The following SNX25 variants were observed in gnomAD, a reference collection of about 807,000 sequenced individuals.
SNX25 encodes the protein sorting nexin-25.
In SNX25, 62 loss-of-function variants were observed where a neutral mutation model predicts 113.7. That is an observed-to-expected ratio of 0.55 (90% CI 0.44 to 0.67). The LOEUF is 0.67. SNX25 is among the 30% of genes least tolerant of loss of function. SNX25 has a pLI of 0.00. For missense variants in SNX25, 1,014 were observed against 1,161.0 expected, an observed-to-expected ratio of 0.87 and a Z score of 1.84; for synonymous variants, 421 against 436.2, an observed-to-expected ratio of 0.97 and a Z score of 0.43.
intron 8 of SNX25, among the ~76,000 whole-genome samples, chr4:185,323,161 C>G (rs2095133092): frequency 6.6e-6 from 1 of 152,104 alleles, no homozygotes; most frequent in Admixed American, 6.5e-5. Flanking sequence ...AATGGCACTT[C>G]TAGTTACTTA....
At chr4:185,318,563 C>A (rs188886598) in intron 7 of SNX25, among the ~76,000 whole-genome samples, 1 of 152,202 alleles carries the variant, frequency 6.6e-6, no homozygotes, top group Non-Finnish European at 1.5e-5. Context: ...ATGGTTGATA[C>A]TGTAAACAAA....
At chr4:185,329,891 G>A (rs750333091) in intron 9 of SNX25, among the ~76,000 whole-genome samples, 1 of 152,102 alleles carries the variant, frequency 6.6e-6, no homozygotes, top group African/African-American at 2.4e-5. Context: ...TGAAGTGAGA[G>A]ACAAGACTGG....
At chr4:185,213,998 A>G (rs1738362738) in intron 1 of SNX25, among the ~76,000 whole-genome samples, 1 of 150,804 alleles carries the variant, frequency 6.6e-6, no homozygotes, top group Non-Finnish European at 1.5e-5. Context: ...CAGTGGCCTG[A>G]CCGTGATGTA....
chr4:185,345,157 C>G (rs2095279413), intron 12 of SNX25, among the ~76,000 whole-genome samples: 1 of 152,140 alleles, frequency 6.6e-6, no homozygotes, highest in Non-Finnish European at 1.5e-5. Context: ...CCATGCCCGT[C>G]CTCTTTGTCA....
intron 9 of SNX25, among the ~76,000 whole-genome samples, chr4:185,328,788 G>A (rs185173489): frequency 6.6e-6 from 1 of 152,330 alleles, no homozygotes; most frequent in East Asian, 1.9e-4. Context: ...GCGCTTCCTG[G>A]AGAGGGAGAA....
chr4:185,246,367 A>G (rs1175984017), intron 1 of SNX25, among the ~76,000 whole-genome samples: 1 of 152,174 alleles, frequency 6.6e-6, no homozygotes, highest in Non-Finnish European at 1.5e-5. Flanking sequence ...TCCCCCAACA[A>G]TATATGAAAA....
At chr4:185,371,489 C>A (rs1464571325), downstream of SNX25, among the ~76,000 whole-genome samples, 1 of 146,198 alleles carries the variant, frequency 6.8e-6, no homozygotes, top group Non-Finnish European at 1.5e-5. Flanking sequence ...TTGCAGTGAG[C>A]CGAGATCGCA....
chr4:185,362,501 C>T (rs1431561786), intron 17 of SNX25, 110 bp from the exon 18 acceptor site: 6 of 1,202,918 alleles, frequency 5.0e-6, no homozygotes, highest in Non-Finnish European at 6.9e-6. Flanking sequence ...TTTCTCATGC[C>T]TCCATGTGTT....
chr4:185,241,147 A>G (rs1440473844), intron 1 of SNX25, among the ~76,000 whole-genome samples: 1 of 151,682 alleles, frequency 6.6e-6, no homozygotes, highest in Admixed American at 6.6e-5. Context: ...TGGAGGTTGT[A>G]GCGAGCCGAG....
chr4:185,370,763 T>G, downstream of SNX25: 1 of 1,614,140 alleles, frequency 6.2e-7, no homozygotes, highest in South Asian at 1.1e-5. Flanking sequence ...GGAGACAGTC[T>G]GTGACCTGGG....
At chr4:185,311,035 G>A (rs1755170932) in intron 7 of SNX25, among the ~76,000 whole-genome samples, 1 of 152,128 alleles carries the variant, frequency 6.6e-6, no homozygotes. Flanking sequence ...GTGTGCATGT[G>A]TGTGTGCGTG....
chr4:185,252,921 T>A (rs1158044016), intron 2 of SNX25, among the ~76,000 whole-genome samples: 1 of 152,218 alleles, frequency 6.6e-6, no homozygotes, highest in Non-Finnish European at 1.5e-5. Context: ...GTTAGCCAGT[T>A]TAAAATGTAA....
intron 1 of SNX25, among the ~76,000 whole-genome samples, chr4:185,242,857 G>A (rs772279864): frequency 5.3e-5 from 8 of 152,212 alleles, no homozygotes; most frequent in Non-Finnish European, 1.2e-4. Flanking sequence ...GGCTGTGGGA[G>A]TTAGGAGCCA....
intron 16 of SNX25, among the ~76,000 whole-genome samples, chr4:185,360,950 T>TATATATATATATAGAGATAG (rs1048534398): frequency 4.9e-5 from 7 of 141,760 alleles, no homozygotes; most frequent in African/African-American, 1.9e-4. Context: ...TATATATATA[T>TATATATATATATAGAGATAG]ATAGAATCTG....
intron 15 of SNX25, among the ~76,000 whole-genome samples, chr4:185,357,328 A>T (rs2095343608): frequency 6.6e-6 from 1 of 152,222 alleles, no homozygotes; most frequent in African/African-American, 2.4e-5. Context: ...GCCAGACAGA[A>T]ATCTAAAATA....
chr4:185,346,600 G>A lies in SNX25; in HGVS notation c.2251G>A (p.Asp751Asn). The A allele has an allele frequency of 6.3e-7, 1 of 1,590,488 alleles. No individual in the cohort carries two copies. The highest frequency in any genetic ancestry group is 1.7e-4 in the Middle Eastern group (1 of 6,022). Residue 751 changes from aspartate to asparagine, a missense_variant, in exon 13 of 19, where the codon GAT becomes AAT. Asp to Asn is a conservative substitution (Grantham distance 23). Coordinates refer to ENST00000652585, the MANE Select transcript of SNX25 (RefSeq NM_001378034.2). ...SLSKLPFKSIDQKFMEKSKNQ... is the reference protein window; with the variant it reads ...SLSKLPFKSINQKFMEKSKNQ... ...TAGCAAGCTGCCTTTCAAATCTATA[G>A]ATCAAAAGTTTATGGAAAAGTCGAA...
intron 5 of SNX25, among the ~76,000 whole-genome samples, chr4:185,281,993 G>A (rs1270322628): frequency 1.3e-5 from 2 of 152,060 alleles, no homozygotes; most frequent in African/African-American, 4.8e-5. Flanking sequence ...TCCAGTCTGG[G>A]CAACAGAGCG....
chr4:185,241,657 G>T (rs934121129), intron 1 of SNX25, among the ~76,000 whole-genome samples: 1 of 151,770 alleles, frequency 6.6e-6, no homozygotes, highest in Non-Finnish European at 1.5e-5. Flanking sequence ...AGTTAATATT[G>T]TGATACGCAT....
intron 11 of SNX25, 118 bp from the exon 12 acceptor site, chr4:185,341,858 G>C (rs944267394): frequency 3.0e-6 from 3 of 1,008,664 alleles, no homozygotes; most frequent in Non-Finnish European, 4.2e-6. Context: ...ACAGTTCCAG[G>C]GATCCTGCAA....
Sources: gnomAD v4.1 joint callset for allele counts (sites outside exome capture counted in the v4.1 genomes callset) on GRCh38, gnomAD v4.1.1 for gene constraint, MANE v1.5 for transcripts, NCBI Gene and HGNC (gene_info 2026-07-23, HGNC 2026-07-21) for gene names.